ADCY7: variants seen among roughly 807,000 people sequenced by gnomAD.
ADCY7 encodes adenylate cyclase 7.
In ADCY7, 72 loss-of-function variants were observed where a neutral mutation model predicts 120.6. The observed-to-expected ratio is 0.60, with a 90% CI of 0.49 to 0.73. The LOEUF (loss-of-function observed/expected upper bound fraction) is 0.73. ADCY7 is among the 30% of genes least tolerant of loss of function. The probability of loss-of-function intolerance (pLI) is 0.00; values close to 1 mark genes in which losing one functional copy is unlikely to be tolerated. For missense variants in ADCY7, 1,227 were observed against 1,486.0 expected, an observed-to-expected ratio of 0.83 and a Z score of 2.87; for synonymous variants, 661 against 628.0, an observed-to-expected ratio of 1.05 and a Z score of -0.78.
intron 1 of ADCY7, among the ~76,000 whole-genome samples, chr16:50,269,917 C>T (rs942115591): frequency 2.6e-5 from 4 of 152,090 alleles, no homozygotes; most frequent in Non-Finnish European, 4.4e-5. Context: ...GGCCAGGCAC[C>T]GTGGTTCACA....
chr16:50,304,605 A>G, intron 11 of ADCY7, 54 bp downstream of exon 11: 1 of 1,482,348 alleles, frequency 6.7e-7, no homozygotes, highest in Non-Finnish European at 9.1e-7. Context: ...AGCCAGGAGC[A>G]GGAGAGTGAG....
In ADCY7 at chr16:50,288,150, C is replaced by T. The variant is rs945856466; in HGVS notation, c.-30C>T. The T allele has an allele frequency of 6.5e-7, 1 of 1,527,030 alleles. No homozygotes were observed. The highest frequency in any genetic ancestry group is 1.4e-5 in the African/African-American group (1 of 72,592). The allele number at this position is 1,527,030 out of a possible 1,614,324, so 94.6% of individuals were successfully genotyped here. A position where few individuals can be genotyped will look rare whatever the true frequency, so the allele number is the denominator to read the frequency against. ...AGGCCCTGGGGCCTCCTTAACGGCC[C>T]CTTAACGACACGCGTGCCAAGGGTG... On this transcript the variant is annotated 5_prime_UTR_variant, in exon 2 of 26. Coordinates refer to ENST00000673801, the MANE Select transcript of ADCY7 (RefSeq NM_001114.5).
rs769418828 is a variant in ADCY7, at chr16:50,292,678, G to A, written c.540G>A (p.Leu180=). 7 of 1,613,742 alleles carry A rather than the reference G, an allele frequency of 4.3e-6. No individual in the cohort carries two copies. Among genetic ancestry groups the A allele is most frequent in the Non-Finnish European group, 5.1e-6 (6 of 1,179,866 alleles). The change falls in exon 5 of 26, where the codon CTG becomes CTA. Residue 180 remains leucine (L), a splice_region_variant and synonymous_variant. Transcript: ENST00000673801. The part of the protein sequence containing the change: ...TTPSVRVGLQ[L]LANAVIFLCG... The stretch of plus-strand genomic sequence containing the variant: ...GCCAAACCCCTGTCTACCCGCAGCT[G>A]CTGGCCAACGCAGTCATCTTCCTGT...
chr16:50,294,035 G>A (rs771763529), intron 6 of ADCY7, among the ~76,000 whole-genome samples: 6 of 152,164 alleles, frequency 3.9e-5, no homozygotes, highest in East Asian at 1.9e-4. Context: ...TGCCTGCAGC[G>A]CCAGCATTAC....
intron 11 of ADCY7, 58 bp downstream of exon 11, chr16:50,304,609 GA>G: frequency 2.0e-6 from 3 of 1,471,648 alleles, no homozygotes; most frequent in Non-Finnish European, 2.7e-6. Flanking sequence ...AGGAGCAGGA[GA>G]GTGAGTGCTG....
intron 8 of ADCY7, 105 bp from the exon 9 acceptor site, chr16:50,300,610 C>CCTGCCCTGTTCCCACATG: frequency 7.3e-7 from 1 of 1,373,706 alleles, no homozygotes; most frequent in South Asian, 1.4e-5. Flanking sequence ...GGGCTGAGCG[C>CCTGCCCTGTTCCCACATG]CTGCCCTGTT....
At chr16:50,275,168 G>C (rs1238323162) in intron 1 of ADCY7, among the ~76,000 whole-genome samples, 1 of 152,206 alleles carries the variant, frequency 6.6e-6, no homozygotes, top group African/African-American at 2.4e-5. Flanking sequence ...GAGAGCCCTG[G>C]TCTTTCACTC....
In ADCY7 at chr16:50,292,797, G is replaced by A. The variant is rs189818846; in HGVS notation, c.659G>A (p.Arg220Gln). 1.9e-5 allele frequency: 31 copies of A among 1,613,718 alleles called. No individual in the cohort carries two copies. Among genetic ancestry groups the A allele is most frequent in the South Asian group, 6.6e-5 (6 of 91,086 alleles). The change falls in exon 5 of 26, where the codon CGG (arginine) becomes CAG (glutamine). Residue 220 changes from arginine to glutamine, a missense_variant. Transcript: ENST00000673801. ...ACTGTGAAGTGCATCCAGATCCGCC[G>A]GAAGCTGCGCATCGAGAAGCGCCAG... is the stretch of plus-strand genomic sequence containing the variant. Reference protein sequence around the residue: ...TYTVKCIQIRRKLRIEKRQQE... With the variant: ...TYTVKCIQIRQKLRIEKRQQE...
chr16:50,292,040 AC>A, intron 4 of ADCY7, 143 bp downstream of exon 4: 1 of 976,812 alleles, frequency 1.0e-6, no homozygotes, highest in Non-Finnish European at 1.5e-6. Flanking sequence ...GGCCCTCTCC[AC>A]GTCTGCTCGG....
intron 20 of ADCY7, 103 bp downstream of exon 20, chr16:50,311,889 A>G: frequency 6.8e-7 from 1 of 1,463,212 alleles, no homozygotes; most frequent in Non-Finnish European, 9.5e-7. Context: ...GAGTAGCAGA[A>G]AAGACTAGAG....
intron 1 of ADCY7, among the ~76,000 whole-genome samples, chr16:50,282,742 T>TCA (rs2034353869): frequency 1.6e-5 from 2 of 125,784 alleles, no homozygotes; most frequent in Non-Finnish European, 3.4e-5. Context: ...CAGGATTCTC[T>TCA]ATCACCCAGG....
intron 18 of ADCY7, chr16:50,310,414 C>G: frequency 6.6e-7 from 1 of 1,524,478 alleles, no homozygotes; most frequent in Middle Eastern, 1.7e-4. Flanking sequence ...TGCATGCACG[C>G]TCCGGCCTTG....
chr16:50,264,619 T>A (rs546063663), upstream of ADCY7, among the ~76,000 whole-genome samples: 2 of 152,182 alleles, frequency 1.3e-5, no homozygotes, highest in Non-Finnish European at 2.9e-5. Context: ...CTCCTCCTTG[T>A]CAACACTTGG....
intron 22 of ADCY7, chr16:50,313,698 CTG>C (rs1236304960): frequency 1.6e-4 from 69 of 422,736 alleles, no homozygotes; most frequent in African/African-American, 1.1e-3. Flanking sequence ...GTAGATAATG[CTG>C]TGTTTGCTCT....
rs1171756881 is a variant in ADCY7 at position 50,310,839 on chromosome 16, C to T, written c.2313C>T (p.Gly771=). 8 of 1,612,952 alleles carry T rather than the reference C, an allele frequency of 5.0e-6. No individual in the cohort carries two copies. The highest frequency in any genetic ancestry group is 2.5e-6 in the Non-Finnish European group (3 of 1,179,648). Reference sequence around the variant, plus strand: ...CATGCTGGCAGTGGGACTGCTGCGGCCAAGGCCTGGGCAACCTCACCAAGC... The same window carrying T: ...CATGCTGGCAGTGGGACTGCTGCGGTCAAGGCCTGGGCAACCTCACCAAGC... ...LSPCWQWDCC[G]QGLGNLTKPN... is the part of the protein sequence containing the mutation. Residue 771 remains glycine (G), a synonymous_variant, in exon 19 of 26, where the codon GGC becomes GGT. Transcript: ENST00000673801.
At position 50,312,124 on chromosome 16, in the gene ADCY7, G is replaced by A. The variant is rs967639581; in HGVS notation, c.2537G>A (p.Arg846His). 10 of 1,614,064 alleles carry A rather than the reference G, an allele frequency of 6.2e-6. No homozygotes were observed. The highest frequency in any genetic ancestry group is 4.0e-5 in the African/African-American group (3 of 74,928). ...EEFETMENVNRLLLENVLPAH... is the reference protein window; with the variant it reads ...EEFETMENVNHLLLENVLPAH... ...TTTGAGACCATGGAGAACGTGAACCGCCTTCTTCTGGAGAACGTCCTGCCA... is the reference window on the plus strand; with the variant it reads ...TTTGAGACCATGGAGAACGTGAACCACCTTCTTCTGGAGAACGTCCTGCCA... The change falls in exon 21 of 26, where the codon CGC becomes CAC. Residue 846 changes from arginine to histidine, a missense_variant. This residue lies in a region of ADCY7 where 244 missense variants were observed against 332.8 expected (regional missense o/e 0.73). Transcript: ENST00000673801.
At chr16:50,311,876 G>A (rs2036504143) in intron 20 of ADCY7, 90 bp downstream of exon 20, 8 of 1,456,002 alleles carry the variant, frequency 5.5e-6, no homozygotes, top group African/African-American at 1.4e-5. Context: ...GTGGGCTCAG[G>A]TGGAGTAGCA....
At chr16:50,298,289 G>A (rs963574805) in intron 7 of ADCY7, among the ~76,000 whole-genome samples, 3 of 152,092 alleles carry the variant, frequency 2.0e-5, no homozygotes, top group Non-Finnish European at 4.4e-5. Flanking sequence ...CCAGCTTTGT[G>A]GCCCCAGGGC....
At chr16:50,259,370 G>A (rs2032999461) in intron 1 of ADCY7, among the ~76,000 whole-genome samples, 1 of 152,264 alleles carries the variant, frequency 6.6e-6, no homozygotes, top group African/African-American at 2.4e-5. Flanking sequence ...GTCACACTGG[G>A]CCGGGTGCAG....
Sources: allele counts gnomAD v4.1 joint callset (sites outside exome capture counted in the v4.1 genomes callset), GRCh38; gene constraint gnomAD v4.1.1; regional missense constraint gnomAD v4.1.1; transcripts MANE v1.5; gene names NCBI Gene and HGNC (gene_info 2026-07-23, HGNC 2026-07-21).